The following PCDHA5 variants were observed in gnomAD, a reference collection of about 807,000 sequenced individuals.
PCDHA5 encodes the protein protocadherin alpha 5.
Under a neutral mutation model 61.6 loss-of-function variants are expected in PCDHA5, and 43 were observed. That is an observed-to-expected ratio of 0.70 (90% CI 0.55 to 0.90). PCDHA5 has a LOEUF of 0.90. Among genes scored for constraint, PCDHA5 ranks in the 40% least tolerant of loss-of-function variants. PCDHA5 has a pLI of 0.00. For synonymous variants in PCDHA5, 627 were observed against 543.9 expected, an observed-to-expected ratio of 1.15 and a Z score of -2.13; for missense variants, 1,298 against 1,222.7, an observed-to-expected ratio of 1.06 and a Z score of -0.92.
intron 1 of PCDHA5, among the ~76,000 whole-genome samples, chr5:140,922,458 C>A (rs782064554): frequency 6.6e-6 from 1 of 152,160 alleles, no homozygotes; most frequent in Non-Finnish European, 1.5e-5. Context: ...TATTTGTCAA[C>A]ACAAAATAGG....
At chr5:140,910,682 C>G (rs1280217836) in intron 1 of PCDHA5, among the ~76,000 whole-genome samples, 2 of 152,198 alleles carry the variant, frequency 1.3e-5, no homozygotes, top group East Asian at 3.8e-4. Flanking sequence ...GGAGATCAGG[C>G]ATTTCCAGCT....
At chr5:140,857,103 C>G in intron 1 of PCDHA5, 1 of 1,597,644 alleles carries the variant, frequency 6.3e-7, no homozygotes, top group Non-Finnish European at 8.6e-7. Flanking sequence ...GTGATTGTCA[C>G]TTCTCTGTCT....
intron 1 of PCDHA5, chr5:140,863,295 C>A: frequency 6.8e-7 from 1 of 1,463,648 alleles, no homozygotes; most frequent in South Asian, 1.1e-5. Context: ...TGTACCTGAT[C>A]ATCGCCATCT....
At chr5:140,942,949 G>A (rs1183072564) in intron 1 of PCDHA5, among the ~76,000 whole-genome samples, 10 of 151,942 alleles carry the variant, frequency 6.6e-5, no homozygotes, top group Admixed American at 1.3e-4. Flanking sequence ...AAGTGTAGAC[G>A]TTCTGTTATC....
intron 1 of PCDHA5, among the ~76,000 whole-genome samples, chr5:140,970,399 G>A (rs2096402631): frequency 6.6e-6 from 1 of 152,172 alleles, no homozygotes; most frequent in Non-Finnish European, 1.5e-5. Flanking sequence ...AAAGTGGATG[G>A]CTTACCCTAC....
At position 140,927,227 on chromosome 5, in the gene PCDHA5, T is replaced by G. The variant is rs782721972; in HGVS notation, c.2353-51722T>G. The G allele has an allele frequency of 3.2e-5, 51 of 1,613,848 alleles. No individual in the cohort carries two copies. The highest frequency in any genetic ancestry group is 1.6e-4 in the Middle Eastern group (1 of 6,084). ...CCGCTGGAGCTGCACAAGATTCGGA[T>G]TCACGTCCTGGACACCAATGACAAC... On this transcript the variant is annotated intron_variant, in intron 1 of 3. Coordinates refer to ENST00000529859, the MANE Select transcript of PCDHA5 (RefSeq NM_018908.3).
chr5:140,836,815 A>C, intron 1 of PCDHA5: 1 of 1,210,190 alleles, frequency 8.3e-7, no homozygotes, highest in Non-Finnish European at 1.1e-6. Flanking sequence ...TTCTTTCATA[A>C]TTTCTTTTTT....
chr5:140,930,803 T>C (rs1227085867), intron 1 of PCDHA5, among the ~76,000 whole-genome samples: 2 of 152,222 alleles, frequency 1.3e-5, no homozygotes, highest in Non-Finnish European at 2.9e-5. Context: ...ATCCAGCATA[T>C]AAGATATGCT....
chr5:140,892,058 T>C (rs1417540713), intron 1 of PCDHA5, among the ~76,000 whole-genome samples: 3 of 152,248 alleles, frequency 2.0e-5, no homozygotes, highest in African/African-American at 4.8e-5. Context: ...TCAAATTTAT[T>C]GTTACTTTGT....
In PCDHA5 at chr5:140,884,465, G is replaced by A. The variant is rs782791774; in HGVS notation, c.2352+60338G>A. 8.1e-6 allele frequency: 13 copies of A among 1,613,634 alleles called. No homozygotes were observed. In the South Asian group the frequency reaches 9.9e-5, roughly 12 times the overall value. ...GGCACCGCCCACCGAGGGCGCGTGCGCGCCGGGCAAGCCCACTCTAGTGTG... is the reference window on the plus strand; with the variant it reads ...GGCACCGCCCACCGAGGGCGCGTGCACGCCGGGCAAGCCCACTCTAGTGTG... On this transcript the variant is annotated intron_variant, in intron 1 of 3. Coordinates refer to ENST00000529859, the MANE Select transcript of PCDHA5 (RefSeq NM_018908.3).
chr5:141,007,722 A>G (rs559470783), intron 3 of PCDHA5, among the ~76,000 whole-genome samples: 30 of 152,290 alleles, frequency 2.0e-4, no homozygotes, highest in African/African-American at 6.5e-4. Flanking sequence ...ACCAGGGAGA[A>G]CAAAGGTTAA....
chr5:140,900,831 T>G (rs1554189475), intron 1 of PCDHA5, among the ~76,000 whole-genome samples: 1 of 152,198 alleles, frequency 6.6e-6, no homozygotes, highest in Non-Finnish European at 1.5e-5. Context: ...CCACCAACAA[T>G]GTACAAAGTT....
At chr5:140,935,234 T>C (rs1160112983) in intron 1 of PCDHA5, among the ~76,000 whole-genome samples, 8 of 152,190 alleles carry the variant, frequency 5.3e-5, no homozygotes, top group Non-Finnish European at 1.2e-4. Context: ...GGATGTCTAT[T>C]TTTTAAAAGA....
intron 1 of PCDHA5, among the ~76,000 whole-genome samples, chr5:140,913,086 A>G (rs937964424): frequency 6.6e-6 from 1 of 152,142 alleles, no homozygotes; most frequent in Admixed American, 6.6e-5. Flanking sequence ...TGGTATCAGG[A>G]TAATACTGGC....
intron 1 of PCDHA5, among the ~76,000 whole-genome samples, chr5:140,837,700 C>A (rs1554136606): frequency 1.3e-5 from 2 of 151,152 alleles, no homozygotes; most frequent in Non-Finnish European, 2.9e-5. Flanking sequence ...TCAAGACACG[C>A]TCTCACTCCA....
At position 140,966,633 on chromosome 5, in the gene PCDHA5, C is replaced by T. The variant is rs2096029445; in HGVS notation, c.2353-12316C>T. ...GGCCTACGGAGGGAGCGGCCCCAGG[C>T]GCTTTCTAGAGCGTGAGCGGTGGGG... On this transcript the variant is annotated intron_variant, in intron 1 of 3. Transcript: ENST00000529859. 9 of 1,005,684 alleles carry T rather than the reference C, an allele frequency of 8.9e-6. No homozygotes were observed. In the South Asian group the frequency reaches 1.6e-4, roughly 18 times the overall value. 62.3% of individuals were successfully genotyped at this position (1,005,684 alleles called of 1,614,324 possible).
At position 140,823,082 on chromosome 5, in the gene PCDHA5, C is replaced by A. The variant is rs1171267979; in HGVS notation, c.1307C>A (p.Ala436Asp). ...GACGGGGGCTCGCCTTCGCTGTGGG[C>A]CACCGCCAGCGTGTCTGTGGAAGTG... ...ARDGGSPSLW[A>D]TASVSVEVAD... Residue 436 changes from alanine to aspartate, a missense_variant, in exon 1 of 4, where the codon GCC becomes GAC. Ala to Asp is a moderately radical substitution (Grantham distance 126). Coordinates refer to ENST00000529859, the MANE Select transcript of PCDHA5 (RefSeq NM_018908.3). 6.2e-7 allele frequency: 1 copy of A among 1,613,782 alleles called. No homozygotes were observed. Among genetic ancestry groups the A allele is most frequent in the Non-Finnish European group, 8.5e-7 (1 of 1,179,988 alleles).
chr5:140,875,242 TA>T, intron 1 of PCDHA5: 2 of 943,026 alleles, frequency 2.1e-6, no homozygotes, highest in Non-Finnish European at 3.0e-6. Flanking sequence ...TGTACTTACA[TA>T]ATCAGTCACA....
rs1219590569 is a variant in PCDHA5, at chr5:140,835,123, A to G, written c.2352+10996A>G. 4 of 1,326,346 alleles carry G rather than the reference A, an allele frequency of 3.0e-6. No homozygotes were observed. In the African/African-American group the frequency reaches 4.8e-5, roughly 16 times the overall value. The allele number at this position is 1,326,346 out of a possible 1,614,324, so 82.2% of individuals were successfully genotyped here. ...GCCCCAGTGTTCGACAGAACCCTGT[A>G]TACGGTGAAATTACCAGAAAACGTT... is the stretch of plus-strand genomic sequence containing the variant. On this transcript the variant is annotated intron_variant, in intron 1 of 3. Coordinates refer to ENST00000529859, the MANE Select transcript of PCDHA5 (RefSeq NM_018908.3).
Sources: gnomAD v4.1 joint callset for allele counts (sites outside exome capture counted in the v4.1 genomes callset) on GRCh38, gnomAD v4.1.1 for gene constraint, MANE v1.5 for transcripts, NCBI Gene and HGNC (gene_info 2026-07-23, HGNC 2026-07-21) for gene names.